ALDH18A1: variants seen among roughly 807,000 people sequenced by gnomAD.
The protein encoded by ALDH18A1 is aldehyde dehydrogenase 18 family member A1.
In ALDH18A1, 44 loss-of-function variants were observed where a neutral mutation model predicts 88.8. The observed-to-expected ratio is 0.50, with a 90% CI of 0.39 to 0.64. The LOEUF is 0.64. ALDH18A1 is among the 30% of genes least tolerant of loss of function. The probability of loss-of-function intolerance (pLI) is 0.00; values close to 1 mark genes in which losing one functional copy is unlikely to be tolerated. For synonymous variants in ALDH18A1, 331 were observed against 372.1 expected (o/e 0.89, Z 1.27); for missense variants, 782 against 1,009.5 (o/e 0.77, Z 3.05).
intron 12 of ALDH18A1, among the ~76,000 whole-genome samples, chr10:95,620,715 T>C (rs186028988): frequency 6.8e-6 from 1 of 147,022 alleles, no homozygotes. Flanking sequence ...ATGCATGTTC[T>C]CACTCGTAGG....
chr10:95,655,654 A>T (rs2097916828), intron 1 of ALDH18A1, among the ~76,000 whole-genome samples: 1 of 149,864 alleles, frequency 6.7e-6, no homozygotes, highest in African/African-American at 2.5e-5. Flanking sequence ...CTCGAGAAGC[A>T]CACAGTTGAT....
At chr10:95,627,900 A>T (rs1009320907) in intron 8 of ALDH18A1, among the ~76,000 whole-genome samples, 1 of 152,240 alleles carries the variant, frequency 6.6e-6, no homozygotes, top group Non-Finnish European at 1.5e-5. Flanking sequence ...AATTAAGTAG[A>T]CCAACAGGCT....
intron 2 of ALDH18A1, among the ~76,000 whole-genome samples, chr10:95,649,877 T>C (rs557455164): frequency 3.9e-4 from 58 of 149,316 alleles, no homozygotes; most frequent in Non-Finnish European, 1.6e-4. Context: ...TGACACCCTG[T>C]CTCAAAAAAT....
chr10:95,637,822 A>G (rs1267107118), intron 3 of ALDH18A1, among the ~76,000 whole-genome samples: 1 of 152,082 alleles, frequency 6.6e-6, no homozygotes, highest in African/African-American at 2.4e-5. Flanking sequence ...TACAAAATTT[A>G]GCCAGGCATG....
At chr10:95,610,167 T>C in intron 17 of ALDH18A1, 30 bp downstream of exon 17, 1 of 1,608,960 alleles carries the variant, frequency 6.2e-7, no homozygotes, top group Non-Finnish European at 8.5e-7. Context: ...CACAAGGAAC[T>C]TCTTTCTTCC....
At chr10:95,639,368 A>G (rs982841755) in intron 3 of ALDH18A1, among the ~76,000 whole-genome samples, 1 of 151,884 alleles carries the variant, frequency 6.6e-6, no homozygotes, top group Non-Finnish European at 1.5e-5. Context: ...AAAATTTAAT[A>G]CTTAACCAAA....
At chr10:95,623,941 T>A (rs868463208) in intron 11 of ALDH18A1, among the ~76,000 whole-genome samples, 46 of 152,226 alleles carry the variant, frequency 3.0e-4, no homozygotes, top group African/African-American at 1.1e-3. Flanking sequence ...CCTCAGCTGA[T>A]CCGCCCACCT....
At chr10:95,606,984 C>T in intron 17 of ALDH18A1, 41 bp from the exon 18 acceptor site, 1 of 1,605,662 alleles carries the variant, frequency 6.2e-7, no homozygotes, top group Non-Finnish European at 8.5e-7. Flanking sequence ...TTTTCCCAGC[C>T]TCTGCTTCCT....
intron 1 of ALDH18A1, among the ~76,000 whole-genome samples, chr10:95,654,609 T>A (rs2097915154): frequency 6.6e-6 from 1 of 151,672 alleles, no homozygotes; most frequent in Non-Finnish European, 1.5e-5. Context: ...AAATTAGGAA[T>A]GGTGTCATTG....
intron 5 of ALDH18A1, among the ~76,000 whole-genome samples, chr10:95,635,835 A>G (rs2097879639): frequency 6.6e-6 from 1 of 152,220 alleles, no homozygotes; most frequent in African/African-American, 2.4e-5. Context: ...TCCCTGGGAA[A>G]AACCAAACCA....
Position 95,621,181 on chromosome 10 carries a change from A to G in ALDH18A1, c.1317T>C (p.Gly439=), listed in dbSNP as rs1445520190. The change falls in exon 12 of 18, where the codon GGT becomes GGC. Residue 439 remains glycine (G), a synonymous_variant. Transcript: ENST00000371224. ...STSKLNSLAI[G]LRQIAASSQD... ...GGGAGGAGGCTGCGATCTGTCGCAG[A>G]CCGATGGCCAGGCTGTTCAATTTGG... The G allele has an allele frequency of 6.2e-7, 1 of 1,614,146 alleles. No individual in the cohort carries two copies. The highest frequency in any genetic ancestry group is 1.1e-5 in the South Asian group (1 of 91,080).
intron 7 of ALDH18A1, among the ~76,000 whole-genome samples, chr10:95,629,247 A>G (rs1010683635): frequency 2.6e-5 from 4 of 152,342 alleles, no homozygotes; most frequent in African/African-American, 9.6e-5. Context: ...GAGTTAAATC[A>G]AGACCTAAAG....
intron 1 of ALDH18A1, among the ~76,000 whole-genome samples, chr10:95,655,476 A>C (rs1433669761): frequency 6.6e-6 from 1 of 152,208 alleles, no homozygotes; most frequent in African/African-American, 2.4e-5. Flanking sequence ...ATACAATCAC[A>C]CACATATATT....
intron 15 of ALDH18A1, among the ~76,000 whole-genome samples, chr10:95,611,713 TGTAATCCCA>T (rs939359438): frequency 9.2e-5 from 14 of 152,312 alleles, no homozygotes; most frequent in Admixed American, 1.3e-4. Context: ...GGCTCACGCC[TGTAATCCCA>T]GTACTTTGGG....
At chr10:95,655,679 AGAGTGT>A (rs748470560) in intron 1 of ALDH18A1, among the ~76,000 whole-genome samples, 1 of 51,882 alleles carries the variant, frequency 1.9e-5, no homozygotes, top group Non-Finnish European at 5.7e-5. Flanking sequence ...AGGAGCAAAG[AGAGTGT>A]GTGTGTGTGT....
At chr10:95,654,785 C>CT (rs1431314265) in intron 1 of ALDH18A1, among the ~76,000 whole-genome samples, 6 of 151,504 alleles carry the variant, frequency 4.0e-5, no homozygotes, top group Admixed American at 6.6e-5. Context: ...AGCACGTGAT[C>CT]TAAGTTTGCT....
Position 95,614,209 on chromosome 10 carries a change from A to C in ALDH18A1, c.1606-48T>G, listed in dbSNP as rs2296692. ...GATAAAGATGACATCTGACCACACA[A>C]AATATAAAAACAGCAGCTTCCCTTT... On this transcript the variant is annotated intron_variant, in intron 13 of 17. Transcript: ENST00000371224. 0.49 allele frequency: 780,801 copies of C among 1,579,732 alleles called. 203,431 individuals are homozygous for C. The highest frequency in any genetic ancestry group is 0.55 in the Admixed American group (32,768 of 59,880).
At chr10:95,608,885 T>C (rs1341351894) in intron 17 of ALDH18A1, among the ~76,000 whole-genome samples, 1 of 152,194 alleles carries the variant, frequency 6.6e-6, no homozygotes, top group Non-Finnish European at 1.5e-5. Context: ...TTGTCTGTTT[T>C]GTTTTTTGAG....
At chr10:95,607,015 C>T (rs2097824060) in intron 17 of ALDH18A1, 72 bp from the exon 18 acceptor site, 3 of 1,489,980 alleles carry the variant, frequency 2.0e-6, no homozygotes, top group Non-Finnish European at 2.8e-6. Flanking sequence ...CAGACCCACC[C>T]TGCTGCTTTC....
Sources: allele counts gnomAD v4.1 joint callset (sites outside exome capture counted in the v4.1 genomes callset), GRCh38; gene constraint gnomAD v4.1.1; transcripts MANE v1.5; gene names NCBI Gene and HGNC (gene_info 2026-07-23, HGNC 2026-07-21).